COMT: variants seen among roughly 807,000 people sequenced by gnomAD.
The protein encoded by COMT is catechol-O-methyltransferase.
Under a neutral mutation model 18.9 loss-of-function variants are expected in COMT, and 13 were observed. That is an observed-to-expected ratio of 0.69 (90% confidence interval 0.45 to 1.09). The LOEUF (loss-of-function observed/expected upper bound fraction) is 1.09. COMT is among the 50% of genes least tolerant of loss of function. COMT has a pLI of 0.00. For missense variants in COMT, 329 were observed against 361.8 expected, an observed-to-expected ratio of 0.91 and a Z score of 0.73; for synonymous variants, 150 against 160.9, an observed-to-expected ratio of 0.93 and a Z score of 0.51.
At chr22:19,953,834 C>T (rs532959612) in intron 1 of COMT, among the ~76,000 whole-genome samples, 2 of 152,306 alleles carry the variant, frequency 1.3e-5, no homozygotes, top group African/African-American at 4.8e-5. Flanking sequence ...ACACTGAGCT[C>T]CTGCCACATG....
intron 1 of COMT, among the ~76,000 whole-genome samples, chr22:19,944,822 A>AAAAAC (rs372008105): frequency 0.013 from 1,908 of 152,174 alleles, 35 homozygotes; most frequent in African/African-American, 0.044. Flanking sequence ...ACTGCGTCTC[A>AAAAAC]AAAACAAAAC....
At chr22:19,943,902 G>C (rs768305311) in intron 1 of COMT, among the ~76,000 whole-genome samples, 16 of 26,826 alleles carry the variant, frequency 6.0e-4, no homozygotes, top group Non-Finnish European at 1.1e-3. Context: ...AGGAGCTGGA[G>C]GGGGGGTCTT....
At chr22:19,950,620 A>G (rs1042046893) in intron 1 of COMT, among the ~76,000 whole-genome samples, 1 of 151,228 alleles carries the variant, frequency 6.6e-6, no homozygotes, top group Non-Finnish European at 1.5e-5. Flanking sequence ...GACCGTGGGG[A>G]GTTGAGGGGC....
chr22:19,942,049 G>T, intron 1 of COMT, 152 bp downstream of exon 1: 7 of 380,820 alleles, frequency 1.8e-5, no homozygotes, highest in South Asian at 5.5e-5. Context: ...TTGGGGTGGG[G>T]AATCTGGATG....
At chr22:19,964,484 T>C in intron 5 of COMT, 185 bp downstream of exon 5, 1 of 890,530 alleles carries the variant, frequency 1.1e-6, no homozygotes, top group Non-Finnish European at 1.8e-6. Context: ...TGGAGATGGG[T>C]GGGGAGCTGG....
chr22:19,963,775 C>A lies in COMT; in HGVS notation c.483+16C>A. ...GAAGGACAAGGTGTGCATGCCTGAC[C>A]CGTTGTCAGACCTGGAAAAAGGGCC... On this transcript the variant is annotated intron_variant, in intron 4 of 5. Transcript: ENST00000361682. 1 of 1,606,900 alleles carries A rather than the reference C, an allele frequency of 6.2e-7. No homozygotes were observed. The highest frequency in any genetic ancestry group is 8.5e-7 in the Non-Finnish European group (1 of 1,179,096).
intron 1 of COMT, among the ~76,000 whole-genome samples, chr22:19,952,573 A>C (rs1383800583): frequency 6.7e-6 from 1 of 149,988 alleles, no homozygotes; most frequent in Non-Finnish European, 1.5e-5. Flanking sequence ...CGGGGGATGG[A>C]GCTTGCAGTG....
intron 1 of COMT, among the ~76,000 whole-genome samples, chr22:19,953,928 C>T (rs1160932637): frequency 6.6e-6 from 1 of 152,090 alleles, no homozygotes; most frequent in Non-Finnish European, 1.5e-5. Flanking sequence ...AAGGATAAAG[C>T]GAATGTGCGA....
chr22:19,962,504 G>GCGC, intron 2 of COMT, 23 bp from the exon 3 acceptor site: 8 of 1,542,708 alleles, frequency 5.2e-6, no homozygotes, highest in East Asian at 2.4e-5. Flanking sequence ...GAGCACTGGC[G>GCGC]CCCCTCCCCT....
At chr22:19,964,375 A>G in intron 5 of COMT, 76 bp downstream of exon 5, 2 of 1,602,352 alleles carry the variant, frequency 1.2e-6, no homozygotes, top group Non-Finnish European at 1.7e-6. Context: ...CTCTCCAAAG[A>G]GCCAGGCATT....
At position 19,963,607 on chromosome 22, in the gene COMT, G is replaced by C. The variant is rs566681525; in HGVS notation, c.331G>C (p.Val111Leu). The change falls in exon 4 of 6, where the codon GTG becomes CTG. Residue 111 changes from valine (V) to leucine (L), a missense_variant. Physicochemically the swap from Val to Leu is conservative, Grantham distance 32. Transcript: ENST00000361682. ...CGTGATTCAGGAGCACCAGCCCTCCGTGCTGCTGGAGCTGGGGGCCTACTG... is the reference window on the plus strand; with the variant it reads ...CGTGATTCAGGAGCACCAGCCCTCCCTGCTGCTGGAGCTGGGGGCCTACTG... ...DAVIQEHQPSVLLELGAYCGY... is the reference protein window; with the variant it reads ...DAVIQEHQPSLLLELGAYCGY... 10 of 1,612,832 alleles carry C rather than the reference G, an allele frequency of 6.2e-6. No homozygotes were observed. The highest frequency in any genetic ancestry group is 8.5e-6 in the Non-Finnish European group (10 of 1,180,020).
intron 1 of COMT, among the ~76,000 whole-genome samples, chr22:19,959,575 C>T (rs1393325575): frequency 6.8e-6 from 1 of 147,458 alleles, no homozygotes; most frequent in Non-Finnish European, 1.5e-5. Flanking sequence ...GGTTAGCTGT[C>T]GGGAGGTGGG....
At chr22:19,956,758 T>C (rs1601519767) in intron 1 of COMT, among the ~76,000 whole-genome samples, 1 of 152,050 alleles carries the variant, frequency 6.6e-6, no homozygotes, top group South Asian at 2.1e-4. Flanking sequence ...TAATTTCTTA[T>C]AGAGACAGGG....
At chr22:19,946,856 A>G (rs1941843622) in intron 1 of COMT, among the ~76,000 whole-genome samples, 1 of 152,024 alleles carries the variant, frequency 6.6e-6, no homozygotes, top group Non-Finnish European at 1.5e-5. Flanking sequence ...AACATTTACC[A>G]ATATGCATGT....
rs751384934 is a variant in COMT, at chr22:19,967,253, G to T, written c.616-1283G>T. 7 of 1,286,850 alleles carry T rather than the reference G, an allele frequency of 5.4e-6. No homozygotes were observed. The South Asian group carries it at 8.7e-5, about 16-fold the overall frequency. The allele number at this position is 1,286,850 out of a possible 1,614,324, so 79.7% of individuals were successfully genotyped here. A position where few individuals can be genotyped will look rare whatever the true frequency, so the allele number is the denominator to read the frequency against. On this transcript the variant is annotated intron_variant, in intron 5 of 5. Transcript: ENST00000361682. ...TCCTGAGTCCCCTGGCGCAACCCGA[G>T]AAGTCCAGGAGCCCAGGCCCCTCAC...
intron 4 of COMT, 76 bp from the exon 5 acceptor site, chr22:19,964,092 A>G: frequency 6.2e-7 from 1 of 1,613,066 alleles, no homozygotes; most frequent in Non-Finnish European, 8.5e-7. Context: ...GTGGGCACTG[A>G]CAGGCGCTGT....
At chr22:19,964,067 CCTGT>C (rs769606095) in intron 4 of COMT, 97 bp from the exon 5 acceptor site, 163 of 1,608,058 alleles carry the variant, frequency 1.0e-4, no homozygotes, top group Non-Finnish European at 1.2e-4. Context: ...AAGATGGCCT[CCTGT>C]CTGTGTGGGC....
At chr22:19,957,422 GAAATA>G (rs571089153) in intron 1 of COMT, among the ~76,000 whole-genome samples, 214 of 152,282 alleles carry the variant, frequency 1.4e-3, no homozygotes, top group African/African-American at 4.7e-3. Context: ...TGTCTCTAAA[GAAATA>G]AAATAAAGGC....
chr22:19,962,440 G>A (rs1415874071), intron 2 of COMT, 87 bp from the exon 3 acceptor site: 3 of 1,535,942 alleles, frequency 2.0e-6, no homozygotes, highest in Non-Finnish European at 1.7e-6. Flanking sequence ...AACACAAGGG[G>A]GCGATGGTGG....
Sources: allele counts gnomAD v4.1 joint callset (sites outside exome capture counted in the v4.1 genomes callset), GRCh38; gene constraint gnomAD v4.1.1; transcripts MANE v1.5; gene names NCBI Gene and HGNC (gene_info 2026-07-23, HGNC 2026-07-21).